The following PRELID2 variants were observed in gnomAD, a reference collection of about 807,000 sequenced individuals.
The protein encoded by PRELID2 is PRELI domain containing 2.
PRELID2 carries 25 observed loss-of-function variants against 28.4 expected under a neutral mutation model. The ratio of observed to expected loss-of-function variants is 0.88; its 90% CI spans 0.64 to 1.23. The LOEUF (loss-of-function observed/expected upper bound fraction) is 1.23, where lower values mean the gene tolerates loss of function less well. Among genes scored for constraint, PRELID2 ranks in the 50% most tolerant of loss-of-function variants. The pLI is 0.00. For synonymous variants in PRELID2, 76 were observed against 71.6 expected (o/e 1.06, Z -0.31); for missense variants, 201 against 214.4 (o/e 0.94, Z 0.39).
chr5:145,584,644 CA>C (rs1413080573), intron 1 of PRELID2, among the ~76,000 whole-genome samples: 3 of 145,224 alleles, frequency 2.1e-5, no homozygotes, highest in Non-Finnish European at 4.4e-5. Flanking sequence ...ATATGCTTCT[CA>C]AAAGAAGACA....
intron 1 of PRELID2, among the ~76,000 whole-genome samples, chr5:145,503,929 T>C (rs902654113): frequency 6.6e-6 from 1 of 152,186 alleles, no homozygotes; most frequent in Admixed American, 6.5e-5. Context: ...TCACAGCACA[T>C]TGTGAAAAGT....
the PRELID2 span, among the ~76,000 whole-genome samples, chr5:145,372,871 T>A: frequency 2.8e-5 from 3 of 105,814 alleles, no homozygotes; most frequent in East Asian, 1.4e-3. Flanking sequence ...TATATTAATA[T>A]ATAATATATA....
At chr5:145,628,903 C>T (rs1433036) in intron 1 of PRELID2, among the ~76,000 whole-genome samples, 10,372 of 152,168 alleles carry the variant, frequency 0.068, 553 homozygotes, top group Admixed American at 0.18. Flanking sequence ...TTCCAGAAAG[C>T]AAGATAAAAA....
chr5:145,584,968 A>G (rs1218090864), intron 1 of PRELID2, among the ~76,000 whole-genome samples: 1 of 152,206 alleles, frequency 6.6e-6, no homozygotes, highest in Non-Finnish European at 1.5e-5. Flanking sequence ...TCATTCTATT[A>G]TAAAGATACA....
At chr5:145,431,427 G>A in the PRELID2 span, among the ~76,000 whole-genome samples, 1 of 152,126 alleles carries the variant, frequency 6.6e-6, no homozygotes, top group African/African-American at 2.4e-5. Flanking sequence ...TATTTACATA[G>A]TTTGAAAGTT....
chr5:145,314,272 C>T, the PRELID2 span, among the ~76,000 whole-genome samples: 1 of 152,210 alleles, frequency 6.6e-6, no homozygotes, highest in East Asian at 1.9e-4. Flanking sequence ...TCTAGCCTTT[C>T]ATTTTTAATC....
chr5:145,291,925 A>G, the PRELID2 span, among the ~76,000 whole-genome samples: 1 of 152,332 alleles, frequency 6.6e-6, no homozygotes, highest in South Asian at 2.1e-4. Flanking sequence ...GTTAAAAGTA[A>G]GTTGACTATA....
the PRELID2 span, among the ~76,000 whole-genome samples, chr5:145,461,325 G>C: frequency 9.7e-6 from 1 of 103,404 alleles, no homozygotes; most frequent in Non-Finnish European, 1.9e-5. Flanking sequence ...TTTTGAGATG[G>C]AGTCTCGCTC....
At chr5:145,724,997 C>G (rs1756105098) in intron 1 of PRELID2, among the ~76,000 whole-genome samples, 1 of 151,878 alleles carries the variant, frequency 6.6e-6, no homozygotes, top group Non-Finnish European at 1.5e-5. Flanking sequence ...CCCACATCAG[C>G]CTCCCAACGT....
intron 4 of PRELID2, among the ~76,000 whole-genome samples, chr5:145,811,956 A>T (rs1753974835): frequency 6.6e-6 from 1 of 152,180 alleles, no homozygotes; most frequent in Non-Finnish European, 1.5e-5. Flanking sequence ...TGTCCCAATT[A>T]TTTCTGTTCA....
At chr5:145,352,684 C>A in the PRELID2 span, among the ~76,000 whole-genome samples, 1 of 152,098 alleles carries the variant, frequency 6.6e-6, no homozygotes, top group Non-Finnish European at 1.5e-5. Flanking sequence ...ATAGGTTTTT[C>A]TTTTCTATCC....
rs904722075 is a variant in PRELID2 at position 145,793,255 on chromosome 5, G to A, written c.474+3187C>T. On this transcript the variant is annotated intron_variant, in intron 5 of 6. Coordinates refer to ENST00000683046, the MANE Select transcript of PRELID2 (RefSeq NM_205846.3). ...CTCAGCTTGGGGATCCATGGCTAAA[G>A]CCAGCTTTTAATTTACAAACATAAA... 3.3e-4 allele frequency among the ~76,000 whole-genome samples: 50 copies of A among 152,244 alleles called. 1 individual carries two copies. Among genetic ancestry groups the A allele is most frequent in the African/African-American group, 1.2e-3 (49 of 41,560 alleles).
chr5:145,641,651 T>C (rs1200976787), intron 1 of PRELID2, among the ~76,000 whole-genome samples: 1 of 151,804 alleles, frequency 6.6e-6, no homozygotes, highest in East Asian at 1.9e-4. Context: ...TCTAATGCTA[T>C]CCCTCCCCAA....
rs368254199 is a variant in PRELID2, at chr5:145,767,411, C to T, written c.475-2411G>A. ...CATTCACCACCCTTCAATTCGTTCA[C>T]GCCACCTGATTCTTCCTGGATGCAG... On this transcript the variant is annotated intron_variant, in intron 5 of 6. Coordinates refer to ENST00000683046, the MANE Select transcript of PRELID2 (RefSeq NM_205846.3). Among the ~76,000 whole-genome samples, 373 of 152,276 alleles carry T rather than the reference C, an allele frequency of 2.4e-3. 3 individuals carry two copies. Among genetic ancestry groups the T allele is most frequent in the African/African-American group, 8.2e-3 (340 of 41,560 alleles).
chr5:145,400,468 A>G, the PRELID2 span, among the ~76,000 whole-genome samples: 1 of 152,074 alleles, frequency 6.6e-6, no homozygotes, highest in Non-Finnish European at 1.5e-5. Context: ...AAAGTTGTGC[A>G]TTTAATGTTC....
At chr5:145,262,409 G>T in the PRELID2 span, among the ~76,000 whole-genome samples, 468 of 151,494 alleles carry the variant, frequency 3.1e-3, 3 homozygotes, top group African/African-American at 0.011. Context: ...AAAAAATGAA[G>T]AAAAAAAATA....
chr5:145,307,166 T>C, the PRELID2 span, among the ~76,000 whole-genome samples: 1 of 152,218 alleles, frequency 6.6e-6, no homozygotes, highest in Non-Finnish European at 1.5e-5. Flanking sequence ...GCCTAAGGCA[T>C]GCCATTTCAT....
chr5:145,831,023 A>G lies in PRELID2; in HGVS notation c.75+4154T>C, dbSNP rs146703645. Among the ~76,000 whole-genome samples, 599 of 152,256 alleles carry G rather than the reference A, an allele frequency of 3.9e-3. 2 individuals carry two copies. The highest frequency in any genetic ancestry group is 0.013 in the African/African-American group (552 of 41,514). On this transcript the variant is annotated intron_variant, in intron 1 of 6. Transcript: ENST00000683046. ...AATGCTTCCCAGTGATCCTCATATG[A>G]TTGTCGCTTCTGCCAAGTGCTTTCC... is the stretch of plus-strand genomic sequence containing the variant.
chr5:145,485,791 T>C (rs1181270867), intron 1 of PRELID2, among the ~76,000 whole-genome samples: 1 of 152,188 alleles, frequency 6.6e-6, no homozygotes, highest in African/African-American at 2.4e-5. Context: ...AAGCTGTTTA[T>C]GGTTATCACC....
Sources: allele counts gnomAD v4.1 joint callset (sites outside exome capture counted in the v4.1 genomes callset), GRCh38; gene constraint gnomAD v4.1.1; transcripts MANE v1.5; gene names NCBI Gene and HGNC (gene_info 2026-07-23, HGNC 2026-07-21).